The following OSBPL6 variants were observed in gnomAD, a reference collection of about 807,000 sequenced individuals.
The protein encoded by OSBPL6 is oxysterol-binding protein-related protein 6.
Under a neutral mutation model 125.8 loss-of-function variants are expected in OSBPL6, and 49 were observed. The ratio of observed to expected loss-of-function variants is 0.39; its 90% CI spans 0.31 to 0.49. OSBPL6 has a LOEUF of 0.49. OSBPL6 is among the 20% of genes least tolerant of loss of function. The pLI is 0.88. For synonymous variants in OSBPL6, 394 were observed against 391.8 expected, an observed-to-expected ratio of 1.01 and a Z score of -0.07; for missense variants, 986 against 1,135.4, an observed-to-expected ratio of 0.87 and a Z score of 1.89.
At chr2:178,265,191 CTTTTTTTTTTTTTTT>C (rs376718500) in intron 1 of OSBPL6, among the ~76,000 whole-genome samples, 52 of 33,728 alleles carry the variant, frequency 1.5e-3, no homozygotes, top group African/African-American at 3.6e-3. Flanking sequence ...CCAGACGAGA[CTTTTTTTTTTTTTTT>C]TTTTTTTTTT....
chr2:178,307,868 G>C (rs1686919510), intron 3 of OSBPL6, among the ~76,000 whole-genome samples: 1 of 152,140 alleles, frequency 6.6e-6, no homozygotes, highest in Non-Finnish European at 1.5e-5. Context: ...ATCATGCGTT[G>C]TTATTCTGCC....
intron 12 of OSBPL6, among the ~76,000 whole-genome samples, chr2:178,361,399 A>G (rs2154098428): frequency 6.6e-6 from 1 of 152,352 alleles, no homozygotes; most frequent in African/African-American, 2.4e-5. Flanking sequence ...AAATATTGAT[A>G]CTTTGCATTG....
At chr2:178,363,654 A>C (rs1202501351) in intron 13 of OSBPL6, among the ~76,000 whole-genome samples, 1 of 152,214 alleles carries the variant, frequency 6.6e-6, no homozygotes, top group South Asian at 2.1e-4. Context: ...GAAGGGTCTG[A>C]TGCTAACATG....
At position 178,393,879 on chromosome 2, in the gene OSBPL6, G is replaced by A. The variant is rs143495651; in HGVS notation, c.2574-434G>A. On this transcript the variant is annotated intron_variant, in intron 23 of 24. Coordinates refer to ENST00000190611, the MANE Select transcript of OSBPL6 (RefSeq NM_032523.4). ...CTCTCAGCCTGTTCTCAAAATAGAC[G>A]GAGAATAGCCAGTTACCATCCTCCA... is the stretch of plus-strand genomic sequence containing the variant. 3.3e-5 allele frequency among the ~76,000 whole-genome samples: 5 copies of A among 152,182 alleles called. No homozygotes were observed. In the East Asian group the frequency reaches 5.8e-4, roughly 18 times the overall value.
chr2:178,374,442 A>G (rs1487558675), intron 15 of OSBPL6, among the ~76,000 whole-genome samples: 7 of 152,214 alleles, frequency 4.6e-5, no homozygotes, highest in African/African-American at 7.2e-5. Context: ...TGCTAGGGAC[A>G]TGAATTTAAA....
chr2:178,194,856 G>A (rs528043748), intron 1 of OSBPL6, among the ~76,000 whole-genome samples, 182 bp downstream of exon 1: 1 of 152,308 alleles, frequency 6.6e-6, no homozygotes, highest in East Asian at 1.9e-4. Flanking sequence ...CCGATAGCCC[G>A]GGCTACAGGG....
In OSBPL6 at chr2:178,383,285, ATAAC is replaced by A. The variant is rs1694652059; in HGVS notation, c.1875+13_1875+16del. ...GATCCATATGAGCGCATGGTAATAA[ATAAC>A]TAACAGAGCAGCGCCCCTCAGGGAT... is the stretch of plus-strand genomic sequence containing the variant. On this transcript the variant is annotated intron_variant, in intron 17 of 24. Coordinates refer to ENST00000190611, the MANE Select transcript of OSBPL6 (RefSeq NM_032523.4). The A allele has an allele frequency of 1.2e-6, 2 of 1,613,002 alleles. No homozygotes were observed. Among genetic ancestry groups the A allele is most frequent in the Admixed American group, 1.7e-5 (1 of 59,936 alleles).
intron 12 of OSBPL6, among the ~76,000 whole-genome samples, chr2:178,360,115 A>G (rs1692199505): frequency 6.6e-6 from 1 of 152,054 alleles, no homozygotes; most frequent in Non-Finnish European, 1.5e-5. Flanking sequence ...CCCAGAAAAT[A>G]GTATTGCATG....
intron 1 of OSBPL6, among the ~76,000 whole-genome samples, chr2:178,209,435 C>CTTTTTT (rs2089723886): frequency 1.0e-5 from 1 of 96,284 alleles, no homozygotes; most frequent in African/African-American, 4.2e-5. Flanking sequence ...TTCTTTCTTT[C>CTTTTTT]TTTCTTTTTT....
chr2:178,387,779 C>T (rs1393455822), intron 20 of OSBPL6, among the ~76,000 whole-genome samples: 11 of 151,998 alleles, frequency 7.2e-5, no homozygotes, highest in Admixed American at 3.9e-4. Flanking sequence ...CTGAGGCGGG[C>T]GGATCACAAG....
Position 178,372,231 on chromosome 2 carries a change from G to T in OSBPL6, c.1393G>T (p.Glu465Ter). Residue 465 changes from glutamate to a stop codon, truncating the protein, a stop_gained and splice_region_variant, in exon 14 of 25, where the codon GAG becomes TAG. Coordinates refer to ENST00000190611, the MANE Select transcript of OSBPL6 (RefSeq NM_032523.4). LOFTEE classifies it high-confidence loss of function. ...TGTAAATATTATTCCTAGCCCTGAT[G>T]AGGTAAGACTCATTTTAAATAGATG... ...VSVNIIPSPD[E>*]AGEQIHVSLP... The T allele has an allele frequency of 3.1e-6, 5 of 1,599,232 alleles. No homozygotes were observed. Among genetic ancestry groups the T allele is most frequent in the Non-Finnish European group, 4.3e-6 (5 of 1,169,758 alleles).
chr2:178,355,009 G>A (rs1242977554), intron 12 of OSBPL6, among the ~76,000 whole-genome samples: 2 of 152,108 alleles, frequency 1.3e-5, no homozygotes, highest in South Asian at 4.1e-4. Context: ...CGAAATGAAG[G>A]CAGAAATAAA....
At chr2:178,201,584 C>A (rs2089262315) in intron 1 of OSBPL6, among the ~76,000 whole-genome samples, 1 of 152,174 alleles carries the variant, frequency 6.6e-6, no homozygotes, top group South Asian at 2.1e-4. Context: ...ACTTAACTAG[C>A]AGATTAGTCT....
intron 1 of OSBPL6, among the ~76,000 whole-genome samples, chr2:178,247,338 G>A (rs1054816229): frequency 6.6e-6 from 1 of 152,066 alleles, no homozygotes; most frequent in South Asian, 2.1e-4. Flanking sequence ...CAAAATGCTT[G>A]TGTGAGGATA....
At chr2:178,308,242 C>T (rs1686958583) in intron 3 of OSBPL6, among the ~76,000 whole-genome samples, 1 of 152,196 alleles carries the variant, frequency 6.6e-6, no homozygotes, top group African/African-American at 2.4e-5. Context: ...TTCTGTTTTT[C>T]CTTCCTTATC....
At chr2:178,368,879 G>A (rs769627487) in intron 13 of OSBPL6, among the ~76,000 whole-genome samples, 49 of 151,182 alleles carry the variant, frequency 3.2e-4, no homozygotes, top group Non-Finnish European at 5.9e-4. Flanking sequence ...GCTCAGTGCA[G>A]CCTCCACCTC....
At chr2:178,328,560 T>C (rs1387613966) in intron 5 of OSBPL6, among the ~76,000 whole-genome samples, 182 bp downstream of exon 5, 2 of 152,216 alleles carry the variant, frequency 1.3e-5, no homozygotes, top group African/African-American at 2.4e-5. Context: ...TGATCTCAGC[T>C]CACTGCAGCT....
chr2:178,379,271 G>GAAAGAAAGAAAGA (rs1443419424), intron 15 of OSBPL6, among the ~76,000 whole-genome samples: 1 of 108,502 alleles, frequency 9.2e-6, no homozygotes, highest in Non-Finnish European at 2.0e-5. Flanking sequence ...CAAAGAAAGA[G>GAAAGAAAGAAAGA]AAAGAAAGAA....
chr2:178,249,726 C>G (rs2091621263), intron 1 of OSBPL6, among the ~76,000 whole-genome samples: 2 of 152,218 alleles, frequency 1.3e-5, no homozygotes, highest in South Asian at 2.1e-4. Context: ...CTTTCTACAA[C>G]CTTGGTTGTT....
Sources: allele counts gnomAD v4.1 joint callset (sites outside exome capture counted in the v4.1 genomes callset), GRCh38; gene constraint gnomAD v4.1.1; transcripts MANE v1.5; gene names NCBI Gene and HGNC (gene_info 2026-07-23, HGNC 2026-07-21).